The following OXR1 variants were observed in gnomAD, a reference collection of about 807,000 sequenced individuals.
OXR1 encodes oxidation resistance 1.
In OXR1, 41 loss-of-function variants were observed where a neutral mutation model predicts 104.6. The ratio of observed to expected loss-of-function variants is 0.39; its 90% CI spans 0.31 to 0.51. The LOEUF (loss-of-function observed/expected upper bound fraction) is 0.51, where lower values mean the gene tolerates loss of function less well. Among genes scored for constraint, OXR1 ranks in the 20% least tolerant of loss-of-function variants. The pLI is 0.77. For missense variants in OXR1, 955 were observed against 1,031.9 expected (o/e 0.93, Z 1.02); for synonymous variants, 348 against 348.4 (o/e 1.00, Z 0.01).
chr8:106,646,898 A>G (rs1824131083), intron 3 of OXR1, among the ~76,000 whole-genome samples: 1 of 152,252 alleles, frequency 6.6e-6, no homozygotes, highest in Non-Finnish European at 1.5e-5. Context: ...AACTTTAAGC[A>G]CCATTGGTAA....
At chr8:106,474,233 A>G (rs1355019735) in intron 2 of OXR1, among the ~76,000 whole-genome samples, 1 of 151,578 alleles carries the variant, frequency 6.6e-6, no homozygotes, top group Non-Finnish European at 1.5e-5. Flanking sequence ...ATGTCTGATC[A>G]TGAACAGCAG....
At chr8:106,661,992 T>G (rs180826019) in intron 3 of OXR1, among the ~76,000 whole-genome samples, 9 of 152,198 alleles carry the variant, frequency 5.9e-5, no homozygotes, top group Admixed American at 5.9e-4. Flanking sequence ...AGGGGTCCAC[T>G]TTTTCATTTT....
chr8:106,527,926 A>C (rs1813811388), intron 3 of OXR1, among the ~76,000 whole-genome samples: 1 of 152,206 alleles, frequency 6.6e-6, no homozygotes, highest in Non-Finnish European at 1.5e-5. Context: ...TTCAAAAACA[A>C]AAATGAAATT....
chr8:106,509,944 ATATTTTTAGTAGAGATGGGAT>A (rs1000149551), intron 2 of OXR1, among the ~76,000 whole-genome samples: 4 of 151,742 alleles, frequency 2.6e-5, no homozygotes, highest in Admixed American at 1.3e-4. Context: ...GCTAATTTTT[ATATTTTTAGTAGAGATGGGAT>A]TTCACCATGT....
intron 1 of OXR1, among the ~76,000 whole-genome samples, chr8:106,290,456 C>A (rs973227407): frequency 6.6e-6 from 1 of 151,938 alleles, no homozygotes; most frequent in African/African-American, 2.4e-5. Context: ...ACAAGTGGGA[C>A]CGAATTAAAG....
chr8:106,664,178 C>G (rs1363533029), intron 3 of OXR1, among the ~76,000 whole-genome samples: 1 of 152,228 alleles, frequency 6.6e-6, no homozygotes, highest in East Asian at 1.9e-4. Context: ...TTTAGAATTG[C>G]TGCTTGTCTC....
At chr8:106,496,157 T>C (rs1234046805) in intron 2 of OXR1, among the ~76,000 whole-genome samples, 1 of 152,194 alleles carries the variant, frequency 6.6e-6, no homozygotes, top group Non-Finnish European at 1.5e-5. Flanking sequence ...TCAGTCAGGA[T>C]AGTCTAGGTC....
At chr8:106,300,174 G>A (rs1813169918) in intron 1 of OXR1, among the ~76,000 whole-genome samples, 1 of 152,120 alleles carries the variant, frequency 6.6e-6, no homozygotes, top group South Asian at 2.1e-4. Flanking sequence ...TCTCTATCTA[G>A]AAAGGTCAAT....
chr8:106,386,640 C>A (rs911892711), intron 2 of OXR1, among the ~76,000 whole-genome samples: 2 of 152,142 alleles, frequency 1.3e-5, no homozygotes, highest in African/African-American at 4.8e-5. Context: ...CCTCCTCCAA[C>A]CCCTAAGTCA....
At chr8:106,587,700 A>T (rs777306285) in intron 3 of OXR1, among the ~76,000 whole-genome samples, 1 of 152,084 alleles carries the variant, frequency 6.6e-6, no homozygotes, top group Admixed American at 6.6e-5. Context: ...ACTATGTAGC[A>T]TGGTTTTTCC....
rs1163967782 is a variant in OXR1, at chr8:106,339,526, A to T, written c.-138-19950A>T. Among the ~76,000 whole-genome samples the T allele has an allele frequency of 9.1e-3, 205 of 22,424 alleles. 7 individuals carry two copies. Among genetic ancestry groups the T allele is most frequent in the Admixed American group, 0.021 (34 of 1,582 alleles). 14.7% of individuals were successfully genotyped at this position (22,424 alleles called of 152,430 possible). A position where few individuals can be genotyped will look rare whatever the true frequency, so the allele number is the denominator to read the frequency against. ...AAAAAAAAAAAAAAAAAAAATATAT[A>T]TATATATATATATATATATATATAT... On this transcript the variant is annotated intron_variant, in intron 1 of 16. Transcript: ENST00000517566.
intron 3 of OXR1, among the ~76,000 whole-genome samples, chr8:106,677,027 A>G (rs1465778371): frequency 1.3e-5 from 2 of 152,112 alleles, no homozygotes. Flanking sequence ...AACATGTTTA[A>G]TGAATTATTG....
intron 3 of OXR1, among the ~76,000 whole-genome samples, chr8:106,577,075 A>G (rs1364365078): frequency 6.6e-6 from 1 of 152,198 alleles, no homozygotes; most frequent in Admixed American, 6.5e-5. Context: ...AGTCATCGGC[A>G]GACTTTCTAA....
chr8:106,727,690 G>T (rs1035574263), intron 11 of OXR1, among the ~76,000 whole-genome samples: 1 of 152,158 alleles, frequency 6.6e-6, no homozygotes, highest in Non-Finnish European at 1.5e-5. Flanking sequence ...CTCCCATAGT[G>T]TTAGGATTCC....
At chr8:106,623,592 C>G (rs1354656645) in intron 3 of OXR1, among the ~76,000 whole-genome samples, 9 of 151,938 alleles carry the variant, frequency 5.9e-5, no homozygotes, top group Non-Finnish European at 2.9e-5. Context: ...AAAGTGGGGC[C>G]TGGTAGAGTA....
intron 1 of OXR1, among the ~76,000 whole-genome samples, chr8:106,312,026 T>G (rs1503558): frequency 6.6e-6 from 1 of 151,764 alleles, no homozygotes. Context: ...CACAGACCTT[T>G]TTTTCACTTG....
At chr8:106,337,329 C>T (rs527819379) in intron 1 of OXR1, among the ~76,000 whole-genome samples, 1 of 152,140 alleles carries the variant, frequency 6.6e-6, no homozygotes, top group African/African-American at 2.4e-5. Flanking sequence ...AAATGTGACA[C>T]TAGCATAAAC....
intron 3 of OXR1, among the ~76,000 whole-genome samples, chr8:106,617,428 CA>C (rs200303019): frequency 5.4e-5 from 8 of 147,880 alleles, no homozygotes; most frequent in African/African-American, 1.7e-4. Context: ...GGCTCCATCT[CA>C]AAAAAAAAGG....
At chr8:106,635,665 G>A (rs998030377) in intron 3 of OXR1, among the ~76,000 whole-genome samples, 4 of 152,004 alleles carry the variant, frequency 2.6e-5, no homozygotes, top group African/African-American at 9.7e-5. Flanking sequence ...GGCTGGTCTC[G>A]AACTCCTGAG....
Sources: allele counts gnomAD v4.1 joint callset (sites outside exome capture counted in the v4.1 genomes callset), GRCh38; gene constraint gnomAD v4.1.1; transcripts MANE v1.5; gene names NCBI Gene and HGNC (gene_info 2026-07-23, HGNC 2026-07-21).